Variants in OSBPL10 observed in about 807,000 individuals in gnomAD.
The protein encoded by OSBPL10 is oxysterol binding protein like 10.
A neutral mutation model predicts 81.7 loss-of-function variants in OSBPL10; 49 were observed. The ratio of observed to expected loss-of-function variants is 0.60; its 90% confidence interval spans 0.48 to 0.76. OSBPL10 has a LOEUF of 0.76. Among genes scored for constraint, OSBPL10 ranks in the 30% least tolerant of loss-of-function variants. The pLI, the probability that OSBPL10 is intolerant of heterozygous loss-of-function variation, is 0.00. For missense variants in OSBPL10, 923 were observed against 987.8 expected (o/e 0.93, Z 0.88); for synonymous variants, 419 against 383.6 (o/e 1.09, Z -1.08).
At chr3:31,680,063 C>T (rs1038918886) in intron 8 of OSBPL10, among the ~76,000 whole-genome samples, 2 of 152,066 alleles carry the variant, frequency 1.3e-5, no homozygotes, top group African/African-American at 4.8e-5. Context: ...CAGTGCTGCA[C>T]GGTGGTAGCT....
intron 4 of OSBPL10, among the ~76,000 whole-genome samples, chr3:31,775,861 AG>A (rs1698533970): frequency 6.6e-6 from 1 of 152,208 alleles, no homozygotes; most frequent in Non-Finnish European, 1.5e-5. Flanking sequence ...GGAGAGAACC[AG>A]GTTCCAGTTA....
At chr3:31,878,647 A>G (rs1701540792) in intron 2 of OSBPL10, among the ~76,000 whole-genome samples, 2 of 152,174 alleles carry the variant, frequency 1.3e-5, no homozygotes, top group Admixed American at 1.3e-4. Context: ...TTGCAGAGGC[A>G]ACTGATCATG....
intron 4 of OSBPL10, among the ~76,000 whole-genome samples, chr3:31,816,576 A>C (rs934576989): frequency 2.6e-5 from 4 of 152,172 alleles, no homozygotes; most frequent in African/African-American, 9.7e-5. Context: ...GTCAAACATT[A>C]ATCTGGGCCA....
At chr3:31,774,500 CTGTTTTTGTTTT>C (rs142505646) in intron 4 of OSBPL10, among the ~76,000 whole-genome samples, 15 of 145,354 alleles carry the variant, frequency 1.0e-4, no homozygotes, top group African/African-American at 2.3e-4. Context: ...CTTTTGTTTT[CTGTTTTTGTTTT>C]TGTTTTTGTT....
chr3:31,821,666 A>T (rs9823889), intron 4 of OSBPL10, among the ~76,000 whole-genome samples: 146 of 152,336 alleles, frequency 9.6e-4, no homozygotes, highest in African/African-American at 3.5e-3. Flanking sequence ...TTTTATGGTT[A>T]CTTGTCATCA....
chr3:31,841,875 C>A (rs1171565165), intron 3 of OSBPL10, among the ~76,000 whole-genome samples: 1 of 152,082 alleles, frequency 6.6e-6, no homozygotes, highest in Non-Finnish European at 1.5e-5. Context: ...CTTTATGAAA[C>A]TAAGCTGTAT....
At position 31,668,644 on chromosome 3, in the gene OSBPL10, G is replaced by A; in HGVS notation, c.2094C>T (p.Ser698=). The change falls in exon 10 of 12, where the codon TCC becomes TCT. Residue 698 remains serine, a splice_region_variant and synonymous_variant. Coordinates refer to ENST00000396556, the MANE Select transcript of OSBPL10 (RefSeq NM_017784.5). ...RPLEKQGPME[S]RNLWREVTRY... ...GGAAGACACAGCCCGGTTCTCACCT[G>A]GACTCCATGGGTCCCTGCTTCTCAA... The A allele has an allele frequency of 6.2e-7, 1 of 1,611,618 alleles. No individual in the cohort carries two copies.
intron 3 of OSBPL10, among the ~76,000 whole-genome samples, chr3:31,847,568 T>C (rs1432869959): frequency 6.6e-6 from 1 of 152,112 alleles, no homozygotes; most frequent in Non-Finnish European, 1.5e-5. Context: ...TCACCGGCAT[T>C]ACCCCAATCC....
chr3:31,748,280 A>C (rs1318409253), intron 4 of OSBPL10, among the ~76,000 whole-genome samples, 160 bp from the exon 5 acceptor site: 2 of 152,168 alleles, frequency 1.3e-5, no homozygotes, highest in East Asian at 3.9e-4. Context: ...TCCTGGGTGA[A>C]ATCTGTCAAG....
chr3:32,027,102 C>A (rs1007210832), intron 2 of OSBPL10, among the ~76,000 whole-genome samples: 1 of 151,856 alleles, frequency 6.6e-6, no homozygotes, highest in Non-Finnish European at 1.5e-5. Context: ...CATAGGTATA[C>A]ACATACCATG....
chr3:31,870,499 G>T (rs71612100), intron 3 of OSBPL10, among the ~76,000 whole-genome samples: 2 of 152,212 alleles, frequency 1.3e-5, no homozygotes, highest in African/African-American at 4.8e-5. Flanking sequence ...TGAGGAGTGC[G>T]AATGCATGGC....
chr3:31,886,982 C>A (rs1432755378), intron 1 of OSBPL10, among the ~76,000 whole-genome samples: 1 of 151,926 alleles, frequency 6.6e-6, no homozygotes, highest in Non-Finnish European at 1.5e-5. Context: ...ATAGTTACTA[C>A]CTGACTCTTC....
At chr3:31,843,815 G>C (rs962869688) in intron 3 of OSBPL10, among the ~76,000 whole-genome samples, 2 of 152,078 alleles carry the variant, frequency 1.3e-5, no homozygotes, top group African/African-American at 4.8e-5. Context: ...TTCACGATTG[G>C]GTATCTCCAA....
chr3:31,911,488 C>A (rs1002570724), intron 1 of OSBPL10, among the ~76,000 whole-genome samples: 6 of 152,046 alleles, frequency 3.9e-5, no homozygotes, highest in African/African-American at 1.4e-4. Flanking sequence ...TGGGGTAATA[C>A]CTTCAACATT....
chr3:31,965,835 ATATATATTATATAAAAAG>A (rs1559535409), intron 1 of OSBPL10, among the ~76,000 whole-genome samples: 40 of 85,096 alleles, frequency 4.7e-4, no homozygotes, highest in South Asian at 1.5e-3. Context: ...TAAATATATA[ATATATATTATATAAAAAG>A]ATAATATATA....
intron 1 of OSBPL10, among the ~76,000 whole-genome samples, chr3:31,880,932 G>C (rs1194741224): frequency 6.6e-6 from 1 of 152,200 alleles, no homozygotes; most frequent in Non-Finnish European, 1.5e-5. Flanking sequence ...CTACATACTA[G>C]TCATGAACCA....
chr3:31,717,109 A>G (rs1351310034), intron 6 of OSBPL10: 3 of 152,238 alleles, frequency 2.0e-5, no homozygotes, highest in Non-Finnish European at 4.4e-5. Flanking sequence ...AAAAAGCAAA[A>G]TGCATTAAGA....
intron 4 of OSBPL10, among the ~76,000 whole-genome samples, chr3:31,800,633 T>C (rs1699355660): frequency 6.6e-6 from 1 of 152,172 alleles, no homozygotes; most frequent in African/African-American, 2.4e-5. Context: ...ACAATCACCA[T>C]GAAACTACCC....
At chr3:31,876,802 C>T (rs1403761877) in intron 2 of OSBPL10, among the ~76,000 whole-genome samples, 2 of 151,906 alleles carry the variant, frequency 1.3e-5, no homozygotes, top group East Asian at 3.9e-4. Flanking sequence ...TGAAAAAAGT[C>T]ATTTCTATAA....
Sources: gnomAD v4.1 joint callset for allele counts (sites outside exome capture counted in the v4.1 genomes callset) on GRCh38, gnomAD v4.1.1 for gene constraint, MANE v1.5 for transcripts, NCBI Gene and HGNC (gene_info 2026-07-23, HGNC 2026-07-21) for gene names.